The following CTNND2 variants were observed in gnomAD, a reference collection of about 807,000 sequenced individuals.
CTNND2 encodes catenin delta 2, also known as catenin delta-2.
A neutral mutation model predicts 144.4 loss-of-function variants in CTNND2; 22 were observed. The observed-to-expected ratio is 0.15, with a 90% confidence interval of 0.11 to 0.22. The LOEUF is 0.22. Among genes scored for constraint, CTNND2 ranks in the 10% least tolerant of loss-of-function variants. CTNND2 has a pLI of 1.00. For synonymous variants in CTNND2, 751 were observed against 695.6 expected, an observed-to-expected ratio of 1.08 and a Z score of -1.25; for missense variants, 1,353 against 1,618.8, an observed-to-expected ratio of 0.84 and a Z score of 2.82.
intron 12 of CTNND2, among the ~76,000 whole-genome samples, chr5:11,131,416 C>A (rs1015633039): frequency 6.6e-6 from 1 of 152,144 alleles, no homozygotes; most frequent in Non-Finnish European, 1.5e-5. Flanking sequence ...GGCTACCTGG[C>A]TTTTAAATGT....
At chr5:11,186,191 T>C (rs1226244563) in intron 11 of CTNND2, among the ~76,000 whole-genome samples, 2 of 152,180 alleles carry the variant, frequency 1.3e-5, no homozygotes, top group Non-Finnish European at 2.9e-5. Flanking sequence ...CTTCAGACGG[T>C]TCAAGAACAT....
chr5:10,992,161 G>A (rs975779169), intron 19 of CTNND2, among the ~76,000 whole-genome samples: 5 of 152,058 alleles, frequency 3.3e-5, no homozygotes, highest in African/African-American at 1.2e-4. Context: ...CAGGCAATCC[G>A]CCTGCCTCAG....
At position 11,289,078 on chromosome 5, in the gene CTNND2, C is replaced by A. The variant is rs998219757; in HGVS notation, c.1629-52255G>T. On this transcript the variant is annotated intron_variant, in intron 9 of 21. Coordinates refer to ENST00000304623, the MANE Select transcript of CTNND2 (RefSeq NM_001332.4). ...CCATCTCCCTGTAAGCCTTTTGCAG[C>A]CTGCCATCCCCCCCGCCTGTGCTCC... Among the ~76,000 whole-genome samples, 4 of 152,280 alleles carry A rather than the reference C, an allele frequency of 2.6e-5. No homozygotes were observed. In the East Asian group the frequency reaches 7.7e-4, roughly 29 times the overall value.
chr5:11,531,417 G>C (rs868628184), intron 3 of CTNND2, among the ~76,000 whole-genome samples: 28 of 152,256 alleles, frequency 1.8e-4, no homozygotes, highest in Admixed American at 1.5e-3. Flanking sequence ...CCTGAGATCA[G>C]GAGTTCGAGG....
intron 2 of CTNND2, among the ~76,000 whole-genome samples, chr5:11,715,299 T>A (rs1786289117): frequency 6.6e-6 from 1 of 152,168 alleles, no homozygotes; most frequent in Non-Finnish European, 1.5e-5. Context: ...AAGCATTACA[T>A]CTTCAGGTTG....
At chr5:11,146,566 T>A (rs906440342) in intron 12 of CTNND2, among the ~76,000 whole-genome samples, 26 of 152,204 alleles carry the variant, frequency 1.7e-4, no homozygotes, top group African/African-American at 5.5e-4. Flanking sequence ...ACGTGATGAT[T>A]AGAGGTATTA....
chr5:11,847,781 C>T (rs1387717472), intron 1 of CTNND2, among the ~76,000 whole-genome samples: 1 of 151,784 alleles, frequency 6.6e-6, no homozygotes, highest in Non-Finnish European at 1.5e-5. Flanking sequence ...TTTTAAAAAA[C>T]TAAATTTAAA....
At chr5:11,075,996 C>A (rs904826742) in intron 16 of CTNND2, among the ~76,000 whole-genome samples, 13 of 152,214 alleles carry the variant, frequency 8.5e-5, no homozygotes, top group Non-Finnish European at 1.9e-4. Flanking sequence ...ATTCATTCAG[C>A]AACTACATAC....
At chr5:11,239,982 C>A (rs1332733853) in intron 9 of CTNND2, among the ~76,000 whole-genome samples, 1 of 152,164 alleles carries the variant, frequency 6.6e-6, no homozygotes, top group East Asian at 1.9e-4. Flanking sequence ...ATGGACTCCA[C>A]ATAAACGTGT....
intron 2 of CTNND2, 30 bp downstream of exon 2, chr5:11,732,106 C>T (rs374054923): frequency 2.1e-5 from 34 of 1,596,874 alleles, no homozygotes; most frequent in Admixed American, 8.5e-5. Flanking sequence ...TGTCCCCAAA[C>T]GCATATCACA....
chr5:11,698,793 A>C (rs538915953), intron 2 of CTNND2, among the ~76,000 whole-genome samples: 1 of 152,036 alleles, frequency 6.6e-6, no homozygotes, highest in Admixed American at 6.6e-5. Flanking sequence ...GTTTAAAGTA[A>C]GAATTGTCCA....
intron 19 of CTNND2, among the ~76,000 whole-genome samples, chr5:10,992,027 C>T (rs1738735021): frequency 6.6e-6 from 1 of 152,262 alleles, no homozygotes; most frequent in Non-Finnish European, 1.5e-5. Flanking sequence ...AAGTGATTCT[C>T]CTGCCTCAGC....
At chr5:11,175,981 G>A (rs1409240677) in intron 11 of CTNND2, among the ~76,000 whole-genome samples, 1 of 152,140 alleles carries the variant, frequency 6.6e-6, no homozygotes, top group African/African-American at 2.4e-5. Context: ...TCTTATGAGT[G>A]TAGTAGCTGG....
At chr5:11,323,180 A>G (rs110383) in intron 9 of CTNND2, among the ~76,000 whole-genome samples, 107,036 of 149,094 alleles carry the variant, frequency 0.72, 38,554 homozygotes, top group South Asian at 0.85. Context: ...CCAGGACTAC[A>G]GTGTGCACCA....
intron 9 of CTNND2, among the ~76,000 whole-genome samples, chr5:11,243,331 G>A (rs913594788): frequency 3.9e-5 from 6 of 152,164 alleles, no homozygotes; most frequent in African/African-American, 1.4e-4. Flanking sequence ...CTGGCAGGGA[G>A]GTGCTCACTG....
intron 2 of CTNND2, among the ~76,000 whole-genome samples, chr5:11,597,481 T>A (rs1483998960): frequency 3.1e-4 from 47 of 152,148 alleles, no homozygotes; most frequent in Admixed American, 3.1e-3. Flanking sequence ...CTCTACAGAT[T>A]TATGTTATGT....
At chr5:11,779,035 C>T (rs1050423162) in intron 1 of CTNND2, among the ~76,000 whole-genome samples, 1 of 152,154 alleles carries the variant, frequency 6.6e-6, no homozygotes, top group African/African-American at 2.4e-5. Flanking sequence ...ATTTCCAATG[C>T]CCCATCTTTT....
At position 11,519,054 on chromosome 5, in the gene CTNND2, T is replaced by TG. The variant is rs557621051; in HGVS notation, c.287+45889dup. Among the ~76,000 whole-genome samples the TG allele has an allele frequency of 3.5e-4, 31 of 88,274 alleles. No homozygotes were observed. The South Asian group carries it at 0.011, about 31-fold the overall frequency. 57.9% of individuals were successfully genotyped at this position (88,274 alleles called of 152,430 possible). A position where few individuals can be genotyped will look rare whatever the true frequency, so the allele number is the denominator to read the frequency against. On this transcript the variant is annotated intron_variant, in intron 3 of 21. Coordinates refer to ENST00000304623, the MANE Select transcript of CTNND2 (RefSeq NM_001332.4). ...AAATTTAAGTATATGGAGGAAAAAATGGAAAAAAATAGCTCCATGTGTTCT... is the reference window on the plus strand; with the variant it reads ...AAATTTAAGTATATGGAGGAAAAAATGGGAAAAAAATAGCTCCATGTGTTCT...
chr5:11,112,702 C>G (rs1419997696), intron 13 of CTNND2, among the ~76,000 whole-genome samples: 1 of 152,180 alleles, frequency 6.6e-6, no homozygotes, highest in East Asian at 1.9e-4. Context: ...TGGCACAGTG[C>G]GGAGCTCCAG....
Sources: allele counts gnomAD v4.1 joint callset (sites outside exome capture counted in the v4.1 genomes callset), GRCh38; gene constraint gnomAD v4.1.1; transcripts MANE v1.5; gene names NCBI Gene and HGNC (gene_info 2026-07-23, HGNC 2026-07-21).